VPS13B: variants seen among roughly 807,000 people sequenced by gnomAD.
VPS13B encodes the protein vacuolar protein sorting 13 homolog B, also known as intermembrane lipid transfer protein VPS13B.
A neutral mutation model predicts 426.4 loss-of-function variants in VPS13B; 285 were observed. That is an observed-to-expected ratio of 0.67 (90% CI 0.61 to 0.74). VPS13B has a LOEUF of 0.74. Ranked by LOEUF, VPS13B falls within the 30% of genes least tolerant of loss-of-function variation. The probability of loss-of-function intolerance (pLI) is 0.00; values close to 1 mark genes in which losing one functional copy is unlikely to be tolerated. For missense variants in VPS13B, 4,537 were observed against 4,782.6 expected (o/e 0.95, Z 1.51); for synonymous variants, 1,676 against 1,676.4 (o/e 1.00, Z 0.01).
intron 17 of VPS13B, among the ~76,000 whole-genome samples, chr8:99,219,624 G>A (rs1272040332): frequency 2.6e-5 from 4 of 152,194 alleles, no homozygotes; most frequent in Non-Finnish European, 5.9e-5. Context: ...AAGGCAAAGA[G>A]AGTGAGTGAG....
chr8:99,588,631 T>C (rs533619576), intron 33 of VPS13B, among the ~76,000 whole-genome samples: 2 of 151,786 alleles, frequency 1.3e-5, no homozygotes, highest in Middle Eastern at 3.4e-3. Flanking sequence ...TAATATTGTA[T>C]AGGAATGCTT....
chr8:99,180,765 T>C (rs563903087), intron 16 of VPS13B, among the ~76,000 whole-genome samples: 8 of 152,182 alleles, frequency 5.3e-5, no homozygotes, highest in South Asian at 2.1e-4. Flanking sequence ...TAAAGGGAGA[T>C]AGATAAGAGA....
At chr8:99,298,758 C>T (rs1820181621) in intron 19 of VPS13B, among the ~76,000 whole-genome samples, 1 of 152,138 alleles carries the variant, frequency 6.6e-6, no homozygotes. Flanking sequence ...TACCTATTTG[C>T]TTTAACTTTC....
chr8:99,851,800 C>T (rs773281288), intron 55 of VPS13B, among the ~76,000 whole-genome samples: 2 of 152,048 alleles, frequency 1.3e-5, no homozygotes, highest in African/African-American at 4.8e-5. Context: ...AAGGGCTTAG[C>T]TTTAATTCTA....
intron 29 of VPS13B, among the ~76,000 whole-genome samples, chr8:99,513,824 T>G (rs1821917647): frequency 6.6e-6 from 1 of 152,182 alleles, no homozygotes; most frequent in Admixed American, 6.5e-5. Flanking sequence ...TTCTGCATCT[T>G]TGGCAGCCAG....
rs147082412 is a variant in VPS13B at position 99,105,245 on chromosome 8, C to T, written c.580+2125C>T. Reference sequence around the variant, plus strand: ...TTATATATCGTTAATGCCTCCTTTGCATCTTCTGTGGAAAGAAATATTTGA... The same window carrying T: ...TTATATATCGTTAATGCCTCCTTTGTATCTTCTGTGGAAAGAAATATTTGA... On this transcript the variant is annotated intron_variant, in intron 5 of 61. Transcript: ENST00000357162. Among the ~76,000 whole-genome samples the T allele has an allele frequency of 6.1e-3, 925 of 152,278 alleles. 13 individuals carry two copies. Among genetic ancestry groups the T allele is most frequent in the African/African-American group, 0.021 (880 of 41,544 alleles).
At chr8:99,445,972 G>C (rs1400465719) in intron 23 of VPS13B, among the ~76,000 whole-genome samples, 1 of 152,184 alleles carries the variant, frequency 6.6e-6, no homozygotes, top group Non-Finnish European at 1.5e-5. Context: ...ATGCTTTATA[G>C]TGCAGAGACA....
intron 19 of VPS13B, among the ~76,000 whole-genome samples, chr8:99,369,021 T>C (rs1185781706): frequency 6.6e-6 from 1 of 152,234 alleles, no homozygotes; most frequent in Non-Finnish European, 1.5e-5. Flanking sequence ...AGAATCCTTC[T>C]CCTTCTTTAG....
At chr8:99,390,469 T>C (rs1456416278) in intron 20 of VPS13B, among the ~76,000 whole-genome samples, 1 of 152,224 alleles carries the variant, frequency 6.6e-6, no homozygotes, top group African/African-American at 2.4e-5. Context: ...CCCTTTTCCA[T>C]GTTTCAGAAC....
At chr8:99,871,371 T>C (rs1213809335) in intron 60 of VPS13B, 77 bp from the exon 61 acceptor site, 2 of 1,608,600 alleles carry the variant, frequency 1.2e-6, no homozygotes, top group Middle Eastern at 1.7e-4. Flanking sequence ...GGTTGCCCCA[T>C]TGGTAAATAA....
At chr8:99,468,270 A>C (rs1819218097) in intron 24 of VPS13B, among the ~76,000 whole-genome samples, 1 of 151,990 alleles carries the variant, frequency 6.6e-6, no homozygotes. Flanking sequence ...CCTTGCAATA[A>C]TTTGCTCAGA....
At chr8:99,315,301 A>G (rs1299287811) in intron 19 of VPS13B, among the ~76,000 whole-genome samples, 1 of 149,558 alleles carries the variant, frequency 6.7e-6, no homozygotes, top group Non-Finnish European at 1.5e-5. Flanking sequence ...CCTCTGTGTC[A>G]TGCAGGCTTT....
intron 36 of VPS13B, among the ~76,000 whole-genome samples, chr8:99,712,294 C>T (rs940261741): frequency 5.3e-5 from 8 of 152,188 alleles, no homozygotes; most frequent in African/African-American, 1.7e-4. Context: ...CCAGCAGTTC[C>T]AAGGCCTTCA....
intron 17 of VPS13B, among the ~76,000 whole-genome samples, chr8:99,232,522 A>G (rs1816389346): frequency 6.6e-6 from 1 of 152,210 alleles, no homozygotes; most frequent in Non-Finnish European, 1.5e-5. Flanking sequence ...AAAAAGAAAA[A>G]AAAATTAATA....
intron 2 of VPS13B, among the ~76,000 whole-genome samples, chr8:99,021,971 A>G (rs531901892): frequency 3.9e-5 from 6 of 152,068 alleles, no homozygotes; most frequent in African/African-American, 1.2e-4. Flanking sequence ...ATCTGCTGTG[A>G]TATCTTCTTT....
intron 48 of VPS13B, 96 bp downstream of exon 48, chr8:99,819,678 GTA>G: frequency 7.2e-7 from 1 of 1,379,312 alleles, no homozygotes; most frequent in East Asian, 2.5e-5. Context: ...GTGTGTGCAT[GTA>G]TCTGTCAGAT....
intron 4 of VPS13B, among the ~76,000 whole-genome samples, chr8:99,099,095 T>A (rs1846592897): frequency 6.6e-6 from 1 of 152,148 alleles, no homozygotes; most frequent in Non-Finnish European, 1.5e-5. Context: ...TCGGTTTTTT[T>A]AGCTCCTACA....
intron 43 of VPS13B, among the ~76,000 whole-genome samples, chr8:99,808,672 G>A (rs1813533837): frequency 6.6e-6 from 1 of 151,870 alleles, no homozygotes; most frequent in African/African-American, 2.4e-5. Flanking sequence ...GTGGGTAAGA[G>A]TAGAAATAGG....
At chr8:99,588,124 A>G (rs1404096391) in intron 33 of VPS13B, among the ~76,000 whole-genome samples, 1 of 151,676 alleles carries the variant, frequency 6.6e-6, no homozygotes, top group East Asian at 1.9e-4. Flanking sequence ...CAAAGATCAG[A>G]TGGTTGTAGG....
Sources: gnomAD v4.1 joint callset for allele counts (sites outside exome capture counted in the v4.1 genomes callset) on GRCh38, gnomAD v4.1.1 for gene constraint, MANE v1.5 for transcripts, NCBI Gene and HGNC (gene_info 2026-07-23, HGNC 2026-07-21) for gene names.